Variants in IL1RAP observed in about 807,000 individuals in gnomAD.
IL1RAP encodes the protein interleukin 1 receptor accessory protein.
A neutral mutation model predicts 60.7 loss-of-function variants in IL1RAP; 35 were observed. That is an observed-to-expected ratio of 0.58 (90% confidence interval 0.44 to 0.76). The LOEUF is 0.76. Ranked by LOEUF, IL1RAP falls within the 30% of genes least tolerant of loss-of-function variation. The probability of loss-of-function intolerance (pLI) is 0.00; values close to 1 mark genes in which losing one functional copy is unlikely to be tolerated. For synonymous variants in IL1RAP, 268 were observed against 250.9 expected, an observed-to-expected ratio of 1.07 and a Z score of -0.64; for missense variants, 572 against 693.9, an observed-to-expected ratio of 0.82 and a Z score of 1.97.
chr3:190,533,260 A>AC (rs2108541622), intron 1 of IL1RAP, among the ~76,000 whole-genome samples: 1 of 152,326 alleles, frequency 6.6e-6, no homozygotes, highest in African/African-American at 2.4e-5. Flanking sequence ...TATGAAAACT[A>AC]CATTAGTAAT....
intron 1 of IL1RAP, among the ~76,000 whole-genome samples, chr3:190,542,747 G>A (rs1428509299): frequency 6.6e-6 from 1 of 152,024 alleles, no homozygotes; most frequent in African/African-American, 2.4e-5. Flanking sequence ...ATTTGAAAGG[G>A]CTCAAGGAAT....
chr3:190,619,492 C>G (rs1047354062), intron 5 of IL1RAP, among the ~76,000 whole-genome samples: 3 of 151,826 alleles, frequency 2.0e-5, no homozygotes, highest in African/African-American at 7.3e-5. Context: ...TTTGGGAGGC[C>G]CAGGCAGGCG....
At chr3:190,638,203 C>G (rs73889625) in intron 9 of IL1RAP, among the ~76,000 whole-genome samples, 23 of 151,978 alleles carry the variant, frequency 1.5e-4, no homozygotes, top group Non-Finnish European at 2.6e-4. Flanking sequence ...AACTGTTAGA[C>G]CTTTTTTTTT....
chr3:190,654,190 TCACACACACACACACACACACACA>T (rs57074064), downstream of IL1RAP, among the ~76,000 whole-genome samples: 1 of 140,412 alleles, frequency 7.1e-6, no homozygotes, highest in African/African-American at 2.7e-5. Context: ...AAACATCATA[TCACACACACACACACACACACACA>T]CACACACACA....
intron 1 of IL1RAP, among the ~76,000 whole-genome samples, chr3:190,520,992 C>T (rs1317311740): frequency 3.3e-5 from 5 of 152,030 alleles, no homozygotes; most frequent in South Asian, 2.1e-4. Context: ...TGACTTTGGC[C>T]GAATTATTTG....
intron 5 of IL1RAP, among the ~76,000 whole-genome samples, chr3:190,611,713 C>T (rs991853169): frequency 6.6e-6 from 1 of 152,124 alleles, no homozygotes; most frequent in Non-Finnish European, 1.5e-5. Context: ...CTGATGGTTA[C>T]AAAGGCCTTT....
intron 9 of IL1RAP, among the ~76,000 whole-genome samples, chr3:190,643,712 T>C (rs1197772331): frequency 6.6e-6 from 1 of 152,172 alleles, no homozygotes; most frequent in African/African-American, 2.4e-5. Context: ...GAGGCCGATT[T>C]CCAAGTAGAA....
At position 190,629,509 on chromosome 3, in the gene IL1RAP, C is replaced by T. The variant is rs768409834; in HGVS notation, c.1051+11C>T. On this transcript the variant is annotated intron_variant, in intron 9 of 11. Transcript: ENST00000447382. ...AGGTGAAGCAGAAAGGTAATAGATGCGGTCAGTGATGAATCTCTCAGCTCC... is the reference window on the plus strand; with the variant it reads ...AGGTGAAGCAGAAAGGTAATAGATGTGGTCAGTGATGAATCTCTCAGCTCC... 3.6e-5 allele frequency: 57 copies of T among 1,600,958 alleles called. No homozygotes were observed. The highest frequency in any genetic ancestry group is 4.6e-5 in the Non-Finnish European group (54 of 1,174,674).
chr3:190,556,790 G>A (rs1384726205), intron 2 of IL1RAP, among the ~76,000 whole-genome samples: 3 of 152,142 alleles, frequency 2.0e-5, no homozygotes, highest in African/African-American at 2.4e-5. Flanking sequence ...AGCTCACATT[G>A]TCTACTACTC....
intron 5 of IL1RAP, among the ~76,000 whole-genome samples, chr3:190,614,303 C>T (rs182905821): frequency 3.6e-4 from 55 of 151,374 alleles, no homozygotes; most frequent in African/African-American, 1.2e-3. Context: ...TTTGCTTTCC[C>T]GTTATCTGAA....
At chr3:190,528,973 C>A (rs968061833) in intron 1 of IL1RAP, among the ~76,000 whole-genome samples, 2 of 152,014 alleles carry the variant, frequency 1.3e-5, no homozygotes, top group African/African-American at 2.4e-5. Context: ...AGGCCTAGGG[C>A]AGGATATTTG....
At chr3:190,627,579 T>G (rs775528453) in intron 8 of IL1RAP, 130 bp downstream of exon 8, 571 of 1,238,296 alleles carry the variant, frequency 4.6e-4, no homozygotes, top group Non-Finnish European at 5.9e-4. Flanking sequence ...GGCAAGATTT[T>G]CAAATCTTTG....
At position 190,625,794 on chromosome 3, in the gene IL1RAP, A is replaced by C. The variant is rs542191678; in HGVS notation, c.776-1529A>C. 2.0e-5 allele frequency among the ~76,000 whole-genome samples: 3 copies of C among 152,342 alleles called. 1 individual carries two copies. In the South Asian group the frequency reaches 6.2e-4, roughly 32 times the overall value. ...CCTAGAATTAGGTATGGCTTTATAT[A>C]GTCATATGAATACTCTTCCTGCTGT... On this transcript the variant is annotated intron_variant, in intron 7 of 11. Coordinates refer to ENST00000447382, the MANE Select transcript of IL1RAP (RefSeq NM_002182.4).
chr3:190,585,044 G>T (rs1200066841), intron 3 of IL1RAP, among the ~76,000 whole-genome samples: 1 of 152,156 alleles, frequency 6.6e-6, no homozygotes, highest in Non-Finnish European at 1.5e-5. Flanking sequence ...TAGATGGTGT[G>T]CTATACTGCA....
At chr3:190,591,126 A>G (rs1362397897) in intron 3 of IL1RAP, among the ~76,000 whole-genome samples, 1 of 152,238 alleles carries the variant, frequency 6.6e-6, no homozygotes, top group Admixed American at 6.5e-5. Flanking sequence ...AGCACAATTC[A>G]GTTTGAAATG....
chr3:190,656,579 C>G (rs1398216994), exon 12 of IL1RAP: 22 of 1,530,148 alleles, frequency 1.4e-5, no homozygotes, highest in Non-Finnish European at 1.9e-5. Context: ...ACGGACTTAT[C>G]CAATAACAAC....
In IL1RAP at chr3:190,649,096, T is replaced by G; in HGVS notation, c.*391T>G. 1.0e-6 allele frequency: 1 copy of G among 989,358 alleles called. No individual in the cohort carries two copies. Among genetic ancestry groups the G allele is most frequent in the Non-Finnish European group, 1.2e-6 (1 of 832,574 alleles). 61.3% of individuals were successfully genotyped at this position (989,358 alleles called of 1,614,324 possible). On this transcript the variant is annotated 3_prime_UTR_variant, in exon 12 of 12. Transcript: ENST00000447382. ...AAGTCACTGTTGACAGGGTCATGAG[T>G]TTCCGAGTATAGTTTTCTTTTTATC...
intron 3 of IL1RAP, among the ~76,000 whole-genome samples, chr3:190,573,841 G>A (rs1727219938): frequency 6.6e-6 from 1 of 152,112 alleles, no homozygotes; most frequent in African/African-American, 2.4e-5. Context: ...TATGTAATAG[G>A]AAGGAAGGTG....
chr3:190,553,620 G>A (rs896295279), intron 1 of IL1RAP, among the ~76,000 whole-genome samples: 4 of 152,102 alleles, frequency 2.6e-5, no homozygotes, highest in African/African-American at 4.8e-5. Flanking sequence ...GGGAGCTGCC[G>A]TTTGCCCGTC....
Sources: allele counts gnomAD v4.1 joint callset (sites outside exome capture counted in the v4.1 genomes callset), GRCh38; gene constraint gnomAD v4.1.1; transcripts MANE v1.5; gene names NCBI Gene and HGNC (gene_info 2026-07-23, HGNC 2026-07-21).